NKAIN3: variants seen among roughly 807,000 people sequenced by gnomAD.
NKAIN3 encodes the protein sodium/potassium transporting ATPase interacting 3, also known as sodium/potassium-transporting ATPase subunit beta-1-interacting protein 3.
NKAIN3 carries 25 observed loss-of-function variants against 30.2 expected under a neutral mutation model. That is an observed-to-expected ratio of 0.83 (90% CI 0.60 to 1.16). NKAIN3 has a LOEUF of 1.16. NKAIN3 is among the 50% of genes most tolerant of loss of function. The pLI, the probability that NKAIN3 is intolerant of heterozygous loss-of-function variation, is 0.00. For synonymous variants in NKAIN3, 91 were observed against 89.6 expected, an observed-to-expected ratio of 1.02 and a Z score of -0.09; for missense variants, 225 against 254.1, an observed-to-expected ratio of 0.89 and a Z score of 0.78.
intron 4 of NKAIN3, among the ~76,000 whole-genome samples, chr8:62,905,998 T>G (rs866400735): frequency 1.3e-5 from 2 of 152,192 alleles, no homozygotes; most frequent in Non-Finnish European, 2.9e-5. Context: ...ATGAGGTAAC[T>G]TCTTCCCCAT....
Position 62,298,270 on chromosome 8 carries a change from T to C in NKAIN3, c.54+49143T>C, listed in dbSNP as rs529856566. Among the ~76,000 whole-genome samples, 67 of 152,204 alleles carry C rather than the reference T, an allele frequency of 4.4e-4. No homozygotes were observed. The South Asian group carries it at 0.013, about 30-fold the overall frequency. On this transcript the variant is annotated intron_variant, in intron 1 of 6. Transcript: ENST00000623646. Reference sequence around the variant, plus strand: ...CACACCAGCATCGCACATGTATACATATGTAACAAATCTGCACGTTGTGCA... The same window carrying C: ...CACACCAGCATCGCACATGTATACACATGTAACAAATCTGCACGTTGTGCA...
intron 1 of NKAIN3, among the ~76,000 whole-genome samples, chr8:62,255,792 C>T (rs774766695): frequency 9.2e-5 from 14 of 152,112 alleles, no homozygotes; most frequent in Non-Finnish European, 1.6e-4. Flanking sequence ...CAGTGCTGCC[C>T]TCATGGGAGT....
intron 3 of NKAIN3, among the ~76,000 whole-genome samples, chr8:62,593,722 T>C (rs889322449): frequency 6.6e-6 from 1 of 151,962 alleles, no homozygotes; most frequent in Non-Finnish European, 1.5e-5. Context: ...AAACAACCGG[T>C]ATGCAATTGG....
chr8:62,918,559 T>A (rs1210502752), intron 5 of NKAIN3, 46 bp downstream of exon 5: 1 of 1,291,376 alleles, frequency 7.7e-7, no homozygotes, highest in South Asian at 1.2e-5. Flanking sequence ...TTGAATGAGA[T>A]ACAGCTTCCA....
intron 3 of NKAIN3, among the ~76,000 whole-genome samples, chr8:62,732,359 AT>A (rs1239559851): frequency 6.6e-6 from 1 of 152,026 alleles, no homozygotes; most frequent in Non-Finnish European, 1.5e-5. Context: ...TTCTCAATGA[AT>A]GAAGTCTTAC....
At chr8:62,770,480 T>A in intron 4 of NKAIN3, among the ~76,000 whole-genome samples, 1 of 152,190 alleles carries the variant, frequency 6.6e-6, no homozygotes. Flanking sequence ...CATGGGGGCC[T>A]ACTTCCTAAA....
chr8:62,813,011 C>T (rs1252074111), intron 4 of NKAIN3, among the ~76,000 whole-genome samples: 3 of 151,818 alleles, frequency 2.0e-5, no homozygotes, highest in Non-Finnish European at 4.4e-5. Flanking sequence ...AGTACCTTTA[C>T]TAAGTGTTTT....
intron 3 of NKAIN3, among the ~76,000 whole-genome samples, chr8:62,612,307 G>A (rs143057513): frequency 1.1e-4 from 17 of 151,830 alleles, no homozygotes; most frequent in South Asian, 1.0e-3. Context: ...CATTGGGTGC[G>A]TATATATTTA....
intron 3 of NKAIN3, among the ~76,000 whole-genome samples, chr8:62,745,579 C>G (rs1450747309): frequency 6.6e-6 from 1 of 152,172 alleles, no homozygotes; most frequent in African/African-American, 2.4e-5. Flanking sequence ...TCTTTTCAAT[C>G]TATTGTTTAT....
At chr8:62,957,409 C>T (rs1823449242) in intron 6 of NKAIN3, among the ~76,000 whole-genome samples, 1 of 152,208 alleles carries the variant, frequency 6.6e-6, no homozygotes, top group South Asian at 2.1e-4. Context: ...GTTGGGATTA[C>T]AGGCGTGAGC....
intron 4 of NKAIN3, chr8:62,863,513 T>A (rs1041396266): frequency 4.2e-5 from 61 of 1,460,252 alleles, no homozygotes; most frequent in South Asian, 3.0e-4. Context: ...GAGGCCTTGA[T>A]AGTTGAACTT....
chr8:62,748,001 G>GA (rs754744748), intron 4 of NKAIN3, among the ~76,000 whole-genome samples: 1 of 152,124 alleles, frequency 6.6e-6, no homozygotes, highest in Non-Finnish European at 1.5e-5. Flanking sequence ...ATTAATTCTA[G>GA]AAAATCTTTA....
chr8:62,317,326 GT>G (rs1563930832), intron 1 of NKAIN3, among the ~76,000 whole-genome samples: 1 of 152,208 alleles, frequency 6.6e-6, no homozygotes, highest in African/African-American at 2.4e-5. Context: ...TGCTTTTGAT[GT>G]TTTAGACATG....
At chr8:62,601,519 T>A (rs1220493262) in intron 3 of NKAIN3, among the ~76,000 whole-genome samples, 1 of 152,064 alleles carries the variant, frequency 6.6e-6, no homozygotes, top group Non-Finnish European at 1.5e-5. Flanking sequence ...AAGATACATA[T>A]TCATTTCACT....
intron 6 of NKAIN3, among the ~76,000 whole-genome samples, chr8:62,956,529 A>G (rs1362852385): frequency 2.6e-5 from 4 of 152,154 alleles, no homozygotes; most frequent in Non-Finnish European, 5.9e-5. Context: ...CACAAAGTGC[A>G]CCTTTCAAGT....
chr8:62,970,173 G>A lies in NKAIN3; in HGVS notation c.*4766G>A, dbSNP rs1420891367. 6.6e-6 allele frequency among the ~76,000 whole-genome samples: 1 copy of A among 152,070 alleles called. No homozygotes were observed. The highest frequency in any genetic ancestry group is 1.9e-4 in the East Asian group (1 of 5,186). On this transcript the variant is annotated 3_prime_UTR_variant, in exon 7 of 7. Coordinates refer to ENST00000623646, the MANE Select transcript of NKAIN3 (RefSeq NM_001304533.3). ...GCCCAGGAATTAGAGGCTGCAGTGA[G>A]TGCACTACTGCACTCCAGCCTAGGC...
chr8:62,335,840 C>T (rs1000927636), intron 1 of NKAIN3, among the ~76,000 whole-genome samples: 1 of 151,968 alleles, frequency 6.6e-6, no homozygotes, highest in Admixed American at 6.6e-5. Flanking sequence ...AATAATGATC[C>T]AATCCATCAG....
At chr8:62,276,703 T>A (rs900223253) in intron 1 of NKAIN3, among the ~76,000 whole-genome samples, 2 of 152,216 alleles carry the variant, frequency 1.3e-5, no homozygotes, top group African/African-American at 4.8e-5. Context: ...AAGAGAGTGT[T>A]ATGAAAGGTT....
At chr8:62,859,733 C>T (rs1820185061) in intron 4 of NKAIN3, among the ~76,000 whole-genome samples, 1 of 151,858 alleles carries the variant, frequency 6.6e-6, no homozygotes, top group African/African-American at 2.4e-5. Context: ...TGCTACCAAC[C>T]CCCAGTACTA....
Sources: gnomAD v4.1 joint callset for allele counts (sites outside exome capture counted in the v4.1 genomes callset) on GRCh38, gnomAD v4.1.1 for gene constraint, MANE v1.5 for transcripts, NCBI Gene and HGNC (gene_info 2026-07-23, HGNC 2026-07-21) for gene names.